FMN1: variants seen among roughly 807,000 people sequenced by gnomAD.
FMN1 encodes the protein formin 1.
A neutral mutation model predicts 132.4 loss-of-function variants in FMN1; 110 were observed. The ratio of observed to expected loss-of-function variants is 0.83; its 90% CI spans 0.71 to 0.97. FMN1 has a LOEUF of 0.97. Among genes scored for constraint, FMN1 ranks in the 50% least tolerant of loss-of-function variants. FMN1 has a pLI of 0.00. For missense variants in FMN1, 1,792 were observed against 1,705.3 expected (o/e 1.05, Z -0.90); for synonymous variants, 722 against 651.7 (o/e 1.11, Z -1.64).
At chr15:32,940,519 T>G (rs2061379237) in intron 9 of FMN1, among the ~76,000 whole-genome samples, 1 of 151,810 alleles carries the variant, frequency 6.6e-6, no homozygotes, top group Admixed American at 6.6e-5. Flanking sequence ...ATCAGTAACT[T>G]AAAAGAGTTT....
At chr15:33,092,500 G>A (rs756369473) in intron 4 of FMN1, among the ~76,000 whole-genome samples, 21 of 152,062 alleles carry the variant, frequency 1.4e-4, no homozygotes, top group Non-Finnish European at 1.8e-4. Context: ...GCTGTAAGAC[G>A]CACGGTGTGT....
At chr15:33,187,324 G>A (rs1965921124) in intron 2 of FMN1, among the ~76,000 whole-genome samples, 1 of 152,066 alleles carries the variant, frequency 6.6e-6, no homozygotes, top group Admixed American at 6.6e-5. Context: ...TAAACTCTTA[G>A]AACACAGGGA....
Position 32,912,284 on chromosome 15 carries a change from G to A in FMN1, c.3227-1749C>T, listed in dbSNP as rs149558898. Among the ~76,000 whole-genome samples the A allele has an allele frequency of 5.1e-4, 77 of 152,272 alleles. 2 individuals are homozygous for A. The East Asian group carries it at 0.014, about 28-fold the overall frequency. On this transcript the variant is annotated intron_variant, in intron 10 of 20. Transcript: ENST00000616417. The stretch of plus-strand genomic sequence containing the variant: ...AGTTCCTCAGATGGTATTGTCAGCT[G>A]TGCCCCTTCCAGTGTGTTCAGTAGC...
chr15:33,012,572 T>C (rs949174043), intron 6 of FMN1: 7 of 1,425,506 alleles, frequency 4.9e-6, no homozygotes, highest in South Asian at 3.4e-5. Context: ...TTTGTAACCT[T>C]TGACAACCAT....
At chr15:32,880,434 AT>A (rs1159154499) in intron 16 of FMN1, among the ~76,000 whole-genome samples, 2 of 152,180 alleles carry the variant, frequency 1.3e-5, no homozygotes, top group African/African-American at 4.8e-5. Flanking sequence ...AACCTTCTCC[AT>A]GATGCTTTTG....
intron 17 of FMN1, among the ~76,000 whole-genome samples, chr15:32,841,806 A>G (rs2058751152): frequency 1.3e-5 from 2 of 152,226 alleles, no homozygotes; most frequent in South Asian, 4.1e-4. Context: ...CAGAACAGAT[A>G]TGTATTTTGC....
rs1286116859 is a variant in FMN1 at position 33,179,190 on chromosome 15, T to C, written c.-132+1008A>G. ...AAATATGAAAAGTATAAAAATTCAA[T>C]AGGAGAATAACAGAATAAATTGATA... On this transcript the variant is annotated intron_variant, in intron 3 of 20. Transcript: ENST00000616417. Among the ~76,000 whole-genome samples the C allele has an allele frequency of 2.0e-5, 3 of 151,990 alleles. No homozygotes were observed. The East Asian group carries it at 5.8e-4, about 29-fold the overall frequency.
At chr15:32,855,598 G>T (rs978509310) in intron 17 of FMN1, among the ~76,000 whole-genome samples, 1 of 152,162 alleles carries the variant, frequency 6.6e-6, no homozygotes, top group Non-Finnish European at 1.5e-5. Flanking sequence ...GCAGACGCAG[G>T]ATTCTAAGAG....
At chr15:33,174,408 C>T (rs1304826003) in intron 3 of FMN1, among the ~76,000 whole-genome samples, 1 of 152,106 alleles carries the variant, frequency 6.6e-6, no homozygotes, top group East Asian at 1.9e-4. Flanking sequence ...TGTGAAAGAG[C>T]ATATGCTTGG....
intron 9 of FMN1, among the ~76,000 whole-genome samples, chr15:32,931,187 C>T (rs1327028394): frequency 6.6e-6 from 1 of 152,124 alleles, no homozygotes; most frequent in Non-Finnish European, 1.5e-5. Context: ...TTCTGTGGTT[C>T]CATACAAATT....
In FMN1 at chr15:32,798,178, G is replaced by GAACACACACACA. The variant is rs1555457387; in HGVS notation, c.4130+625_4130+626insTGTGTGTGTGTT. Among the ~76,000 whole-genome samples the GAACACACACACA allele has an allele frequency of 4.2e-3, 614 of 147,188 alleles. 4 individuals carry two copies. The highest frequency in any genetic ancestry group is 0.01 in the Middle Eastern group (3 of 290). Reference sequence around the variant, plus strand: ...CAAATTCAATCTCTCTAAGGAAAACGCACACACACACACACACACACACAC... The same window carrying GAACACACACACA: ...CAAATTCAATCTCTCTAAGGAAAACGAACACACACACACACACACACACACACACACACACAC... On this transcript the variant is annotated intron_variant, in intron 19 of 20. Transcript: ENST00000616417.
rs117755884 is a variant in FMN1, at chr15:32,809,518, C to T, written c.3929-5186G>A. 4.9e-3 allele frequency among the ~76,000 whole-genome samples: 744 copies of T among 152,292 alleles called. 3 individuals carry two copies. The highest frequency in any genetic ancestry group is 7.2e-3 in the Non-Finnish European group (489 of 68,026). ...ACTATCATCCCCAGAGCTCCTGCTGCGTGGGACTCATGGCTGGTCTCTGGA... is the reference window on the plus strand; with the variant it reads ...ACTATCATCCCCAGAGCTCCTGCTGTGTGGGACTCATGGCTGGTCTCTGGA... On this transcript the variant is annotated intron_variant, in intron 17 of 20. Transcript: ENST00000616417.
chr15:33,078,426 C>T (rs545936699), intron 5 of FMN1, among the ~76,000 whole-genome samples: 141 of 152,236 alleles, frequency 9.3e-4, no homozygotes, highest in African/African-American at 3.2e-3. Context: ...TATAGGACTA[C>T]TGTCATGTTC....
At position 33,052,618 on chromosome 15, in the gene FMN1, C is replaced by T. The variant is rs996827683; in HGVS notation, c.2161+12339G>A. On this transcript the variant is annotated intron_variant, in intron 6 of 20. Coordinates refer to ENST00000616417, the MANE Select transcript of FMN1 (RefSeq NM_001277313.2). ...CTCCAGGTTTACAGGCTCAGCCCCA[C>T]AATGATAGTGACAGGAGGCAGCCAA... Among the ~76,000 whole-genome samples the T allele has an allele frequency of 5.4e-4, 83 of 152,300 alleles. 2 individuals are homozygous for T. Among genetic ancestry groups the T allele is most frequent in the Non-Finnish European group, 1.8e-4 (12 of 68,028 alleles).
intron 19 of FMN1, among the ~76,000 whole-genome samples, chr15:32,783,744 C>A (rs1239166826): frequency 7.8e-5 from 5 of 64,202 alleles, no homozygotes; most frequent in Non-Finnish European, 1.5e-4. Flanking sequence ...GACTCTGTTT[C>A]AAAAAAAAAA....
rs1034109485 is a variant in FMN1, at chr15:32,766,225, A to G, written c.*8085T>C. ...CACTTTTAAGTGCTTTCAAGAGTGT[A>G]GCAGTTACTGTTCATCTGAAAATAA... On this transcript the variant is annotated 3_prime_UTR_variant, in exon 21 of 21. Transcript: ENST00000616417. The G allele has an allele frequency of 2.0e-5, 3 of 152,238 alleles. No homozygotes were observed. The highest frequency in any genetic ancestry group is 7.2e-5 in the African/African-American group (3 of 41,456). 9.4% of individuals were successfully genotyped at this position (152,238 alleles called of 1,614,324 possible).
chr15:33,017,968 G>A (rs546029370), intron 6 of FMN1, among the ~76,000 whole-genome samples: 55 of 152,080 alleles, frequency 3.6e-4, no homozygotes, highest in African/African-American at 1.3e-3. Context: ...GGGGGGCAGA[G>A]GTAGGAGAAT....
chr15:33,061,483 T>C (rs1595379530), intron 6 of FMN1, among the ~76,000 whole-genome samples: 1 of 152,074 alleles, frequency 6.6e-6, no homozygotes, highest in South Asian at 2.1e-4. Context: ...ATTTGCTGAA[T>C]GTCAAGAAAC....
rs546435146 is a variant in FMN1 at position 32,905,615 on chromosome 15, T to G, written c.3377+2875A>C. On this transcript the variant is annotated intron_variant, in intron 12 of 20. Coordinates refer to ENST00000616417, the MANE Select transcript of FMN1 (RefSeq NM_001277313.2). ...CCTCTGTGGGCAATGGCTTTCTAAATCTGGCACTGGAGTGTAAGAGAGTTG... is the reference window on the plus strand; with the variant it reads ...CCTCTGTGGGCAATGGCTTTCTAAAGCTGGCACTGGAGTGTAAGAGAGTTG... Among the ~76,000 whole-genome samples, 3 of 152,284 alleles carry G rather than the reference T, an allele frequency of 2.0e-5. No individual in the cohort carries two copies. The South Asian group carries it at 6.2e-4, about 32-fold the overall frequency.
Sources: gnomAD v4.1 joint callset for allele counts (sites outside exome capture counted in the v4.1 genomes callset) on GRCh38, gnomAD v4.1.1 for gene constraint, MANE v1.5 for transcripts, NCBI Gene and HGNC (gene_info 2026-07-23, HGNC 2026-07-21) for gene names.